The following DLGAP5 variants were observed in gnomAD, a reference collection of about 807,000 sequenced individuals.
DLGAP5 encodes the protein disks large-associated protein 5.
In DLGAP5, 90 loss-of-function variants were observed where a neutral mutation model predicts 99.6. That is an observed-to-expected ratio of 0.90 (90% CI 0.76 to 1.08). The LOEUF is 1.08. Ranked by LOEUF, DLGAP5 falls within the 50% of genes least tolerant of loss-of-function variation. The pLI is 0.00. For synonymous variants in DLGAP5, 311 were observed against 321.3 expected, an observed-to-expected ratio of 0.97 and a Z score of 0.34; for missense variants, 1,036 against 983.5, an observed-to-expected ratio of 1.05 and a Z score of -0.71.
Position 55,180,772 on chromosome 14 carries a change from T to C in DLGAP5, c.587A>G (p.Gln196Arg). The C allele has an allele frequency of 6.2e-7, 1 of 1,614,068 alleles. No individual in the cohort carries two copies. Among genetic ancestry groups the C allele is most frequent in the Non-Finnish European group, 8.5e-7 (1 of 1,179,988 alleles). The change falls in exon 6 of 19, where the codon CAG becomes CGG. Residue 196 changes from glutamine (Q) to arginine (R), a missense_variant. Gln to Arg is a conservative substitution (Grantham distance 43). Transcript: ENST00000247191. ...TCTCAACGACGTGGGCATTACAGGC[T>C]GCACAACTGTGGGAAAAAAAAATAA... ...KVSDKEKKVV[Q>R]PVMPTSLRMT...
chr14:55,172,431 G>C (rs1442643617), intron 10 of DLGAP5, among the ~76,000 whole-genome samples: 1 of 150,734 alleles, frequency 6.6e-6, no homozygotes, highest in Non-Finnish European at 1.5e-5. Flanking sequence ...TTTTAGTTTT[G>C]GTTTTAAATG....
At position 55,151,902 on chromosome 14, in the gene DLGAP5, T is replaced by C. The variant is rs1239948529; in HGVS notation, c.2161A>G (p.Ser721Gly). The change falls in exon 17 of 19, where the codon AGT becomes GGT. Residue 721 changes from serine to glycine, a missense_variant. By Grantham distance (56) the Ser-to-Gly change is moderately conservative (BLOSUM62 0). Coordinates refer to ENST00000247191, the MANE Select transcript of DLGAP5 (RefSeq NM_014750.5). ...KTDLKVDCLS[S>G]ERMSLPLLAG... ...AGAAGAGGCAAACTCATTCTCTCACTGGATAAACAATCCACCTTCAAGTCT... is the reference window on the plus strand; with the variant it reads ...AGAAGAGGCAAACTCATTCTCTCACCGGATAAACAATCCACCTTCAAGTCT... The C allele has an allele frequency of 1.2e-6, 2 of 1,613,958 alleles. No individual in the cohort carries two copies. Among genetic ancestry groups the C allele is most frequent in the Non-Finnish European group, 1.7e-6 (2 of 1,179,916 alleles).
intron 12 of DLGAP5, 149 bp downstream of exon 12, chr14:55,169,250 T>C (rs892987310): frequency 3.8e-5 from 16 of 423,396 alleles, no homozygotes; most frequent in Admixed American, 8.9e-5. Flanking sequence ...ATTTAGATCA[T>C]GTTTTACAGT....
At position 55,191,526 on chromosome 14, in the gene DLGAP5, A is replaced by G. The variant is rs1217636164; in HGVS notation, c.-65T>C. ...AAGTAAAGAACACTCGGTCTGGACG[A>G]CCACCGCCGACTCCGAAGCAGGAAC... On this transcript the variant is annotated 5_prime_UTR_variant, in exon 1 of 19. Coordinates refer to ENST00000247191, the MANE Select transcript of DLGAP5 (RefSeq NM_014750.5). 3 of 152,704 alleles carry G rather than the reference A, an allele frequency of 2.0e-5. No individual in the cohort carries two copies. Among genetic ancestry groups the G allele is most frequent in the African/African-American group, 7.3e-5 (3 of 41,376 alleles). 9.5% of individuals were successfully genotyped at this position (152,704 alleles called of 1,614,324 possible). A position where few individuals can be genotyped will look rare whatever the true frequency, so the allele number is the denominator to read the frequency against.
chr14:55,164,300 A>G (rs1325178802), intron 12 of DLGAP5, among the ~76,000 whole-genome samples: 2 of 152,092 alleles, frequency 1.3e-5, no homozygotes, highest in East Asian at 3.9e-4. Flanking sequence ...GCAAGACTCC[A>G]TCTCAAAGGA....
intron 7 of DLGAP5, 101 bp from the exon 8 acceptor site, chr14:55,177,437 TC>T: frequency 9.3e-7 from 1 of 1,079,640 alleles, no homozygotes; most frequent in Non-Finnish European, 1.3e-6. Context: ...AAATATATGT[TC>T]TATGTACATA....
chr14:55,148,328 AATGTTTGGATTT>A lies in DLGAP5; in HGVS notation c.*11_*22del. 6.2e-7 allele frequency: 1 copy of A among 1,610,674 alleles called. No homozygotes were observed. Among genetic ancestry groups the A allele is most frequent in the East Asian group, 2.2e-5 (1 of 44,848 alleles). ...TATAAGCATTGATAATATGAAGGAA[AATGTTTGGATTT>A]ATTTTTAAATTCAAAATTCTCCTGG... On this transcript the variant is annotated 3_prime_UTR_variant, in exon 19 of 19. Coordinates refer to ENST00000247191, the MANE Select transcript of DLGAP5 (RefSeq NM_014750.5).
chr14:55,178,853 C>T (rs560951613), intron 7 of DLGAP5, among the ~76,000 whole-genome samples: 2 of 152,224 alleles, frequency 1.3e-5, no homozygotes, highest in Admixed American at 1.3e-4. Flanking sequence ...TCAAGACCAG[C>T]CTGGCCAACA....
rs775731790 is a variant in DLGAP5 at position 55,181,300 on chromosome 14, AT to A, written c.496-4del. 4.0e-5 allele frequency: 64 copies of A among 1,612,270 alleles called. No individual in the cohort carries two copies. The South Asian group carries it at 4.7e-4, about 12-fold the overall frequency. ...CGAACATCACTCTCGTTATCAATCT[AT>A]TTAAGAGATTAGGTGCTATGTGATT... On this transcript the variant is annotated splice_region_variant and splice_polypyrimidine_tract_variant and intron_variant, in intron 4 of 18. Transcript: ENST00000247191.
chr14:55,185,983 AT>A (rs1883422997), intron 2 of DLGAP5, among the ~76,000 whole-genome samples: 1 of 152,322 alleles, frequency 6.6e-6, no homozygotes, highest in East Asian at 1.9e-4. Flanking sequence ...AAATAAAGAC[AT>A]TTCTGGAAGG....
chr14:55,172,687 A>C (rs1882902158), intron 10 of DLGAP5, among the ~76,000 whole-genome samples: 1 of 152,104 alleles, frequency 6.6e-6, no homozygotes, highest in South Asian at 2.1e-4. Context: ...CATGACGATT[A>C]ATAAGGAGGC....
chr14:55,182,059 C>T (rs1028773562), intron 4 of DLGAP5, among the ~76,000 whole-genome samples: 1 of 152,212 alleles, frequency 6.6e-6, no homozygotes, highest in African/African-American at 2.4e-5. Flanking sequence ...AAGTTTATAA[C>T]ACCTACCCTG....
intron 7 of DLGAP5, among the ~76,000 whole-genome samples, chr14:55,178,563 G>A (rs1168550381): frequency 6.6e-6 from 1 of 152,224 alleles, no homozygotes; most frequent in African/African-American, 2.4e-5. Context: ...TGGTAACACT[G>A]TTGAAGCCAG....
intron 8 of DLGAP5, among the ~76,000 whole-genome samples, chr14:55,176,280 C>A (rs1883059514): frequency 6.6e-6 from 1 of 152,152 alleles, no homozygotes; most frequent in African/African-American, 2.4e-5. Flanking sequence ...TGCTGCTGAG[C>A]AGTTTTTAGT....
intron 10 of DLGAP5, among the ~76,000 whole-genome samples, chr14:55,174,192 T>A (rs568569160): frequency 9.2e-5 from 14 of 152,218 alleles, no homozygotes; most frequent in Non-Finnish European, 1.6e-4. Context: ...GGCCGTCTCT[T>A]ACTGTCGAAA....
chr14:55,189,289 T>A, intron 1 of DLGAP5, 109 bp from the exon 2 acceptor site: 1 of 783,716 alleles, frequency 1.3e-6, no homozygotes, highest in Non-Finnish European at 2.1e-6. Flanking sequence ...AATAAAAATA[T>A]AAAATGTGCA....
intron 13 of DLGAP5, among the ~76,000 whole-genome samples, chr14:55,160,272 G>A (rs538293284): frequency 6.6e-6 from 1 of 151,182 alleles, no homozygotes; most frequent in African/African-American, 2.4e-5. Context: ...GCACACGCCT[G>A]TAATCCCAGC....
At chr14:55,181,975 T>C (rs1883292418) in intron 4 of DLGAP5, among the ~76,000 whole-genome samples, 1 of 152,248 alleles carries the variant, frequency 6.6e-6, no homozygotes, top group South Asian at 2.1e-4. Flanking sequence ...AGGCATATTA[T>C]TTCCCTTCTT....
chr14:55,165,456 G>C (rs764127888), intron 12 of DLGAP5, among the ~76,000 whole-genome samples: 1 of 152,028 alleles, frequency 6.6e-6, no homozygotes, highest in African/African-American at 2.4e-5. Context: ...CCAGGAAGTG[G>C]AGGTTGCAGT....
Sources: allele counts gnomAD v4.1 joint callset (sites outside exome capture counted in the v4.1 genomes callset), GRCh38; gene constraint gnomAD v4.1.1; transcripts MANE v1.5; gene names NCBI Gene and HGNC (gene_info 2026-07-23, HGNC 2026-07-21).